Variants in ZNF385D observed in about 807,000 individuals in gnomAD.
The protein encoded by ZNF385D is zinc finger protein 659.
In ZNF385D, 15 loss-of-function variants were observed where a neutral mutation model predicts 35.8. That is an observed-to-expected ratio of 0.42 (90% CI 0.28 to 0.64). The LOEUF is 0.64. Ranked by LOEUF, ZNF385D falls within the 30% of genes least tolerant of loss-of-function variation. The probability of loss-of-function intolerance (pLI) is 0.23; values close to 1 mark genes in which losing one functional copy is unlikely to be tolerated. For missense variants in ZNF385D, 474 were observed against 494.6 expected (o/e 0.96, Z 0.39); for synonymous variants, 212 against 186.8 (o/e 1.13, Z -1.10).
intron 3 of ZNF385D, among the ~76,000 whole-genome samples, chr3:21,955,978 G>A (rs1458149321): frequency 6.6e-6 from 1 of 151,944 alleles, no homozygotes; most frequent in East Asian, 1.9e-4. Flanking sequence ...TTGAGCTCAG[G>A]TATATGAAAC....
At chr3:22,323,429 G>A (rs1264090397) in intron 2 of ZNF385D, among the ~76,000 whole-genome samples, 2 of 152,118 alleles carry the variant, frequency 1.3e-5, no homozygotes, top group African/African-American at 4.8e-5. Context: ...GAAGTGCTGG[G>A]TCCTAAGATT....
chr3:22,188,372 T>C (rs375034430), intron 2 of ZNF385D, among the ~76,000 whole-genome samples: 24 of 152,114 alleles, frequency 1.6e-4, no homozygotes, highest in African/African-American at 4.8e-4. Context: ...GGAAAGTGCA[T>C]TGAAAGAAAC....
At chr3:22,319,394 C>G (rs972243245) in intron 2 of ZNF385D, among the ~76,000 whole-genome samples, 1 of 151,386 alleles carries the variant, frequency 6.6e-6, no homozygotes, top group Admixed American at 6.6e-5. Context: ...AAATTATATG[C>G]AATATTGAAA....
At chr3:21,641,569 C>T (rs1420896075) in intron 2 of ZNF385D, among the ~76,000 whole-genome samples, 33 of 151,132 alleles carry the variant, frequency 2.2e-4, no homozygotes, top group Non-Finnish European at 1.5e-5. Context: ...TAACACATAT[C>T]ACCAACTCTC....
intron 3 of ZNF385D, among the ~76,000 whole-genome samples, chr3:22,123,706 C>G (rs1399539496): frequency 6.6e-6 from 1 of 151,950 alleles, no homozygotes; most frequent in African/African-American, 2.4e-5. Context: ...CTAAAAAGTA[C>G]AAAAATTAGC....
chr3:22,014,733 G>A (rs1163892412), intron 3 of ZNF385D, among the ~76,000 whole-genome samples: 2 of 152,114 alleles, frequency 1.3e-5, no homozygotes, highest in South Asian at 2.1e-4. Flanking sequence ...AGTGCAAACC[G>A]CTAAGAATTG....
chr3:22,156,386 C>T (rs1705581816), intron 3 of ZNF385D, among the ~76,000 whole-genome samples: 1 of 140,126 alleles, frequency 7.1e-6, no homozygotes, highest in African/African-American at 2.5e-5. Context: ...TGTACACAGC[C>T]CCCCTGCCCC....
chr3:21,938,250 G>A (rs1701354855), intron 3 of ZNF385D, among the ~76,000 whole-genome samples: 1 of 152,208 alleles, frequency 6.6e-6, no homozygotes, highest in African/African-American at 2.4e-5. Flanking sequence ...TCTCAGTTAT[G>A]CACAAGAACC....
intron 4 of ZNF385D, among the ~76,000 whole-genome samples, chr3:21,497,694 C>G (rs1706015838): frequency 6.6e-6 from 1 of 151,700 alleles, no homozygotes; most frequent in Non-Finnish European, 1.5e-5. Flanking sequence ...ACTAAAAATA[C>G]AAAAATTAGC....
chr3:22,352,637 A>G (rs957604260), intron 2 of ZNF385D, among the ~76,000 whole-genome samples: 6 of 152,152 alleles, frequency 3.9e-5, no homozygotes, highest in Non-Finnish European at 8.8e-5. Flanking sequence ...ATAACTTCCT[A>G]TCACTAAAGG....
intron 2 of ZNF385D, among the ~76,000 whole-genome samples, chr3:21,619,079 T>A (rs1323924753): frequency 6.6e-6 from 1 of 152,146 alleles, no homozygotes; most frequent in East Asian, 1.9e-4. Flanking sequence ...TCTGCACATG[T>A]CCTACAGCAA....
At chr3:21,619,403 CGTGTGTGTGCGTGTGTGTGT>C (rs1391015440) in intron 2 of ZNF385D, among the ~76,000 whole-genome samples, 1 of 140,582 alleles carries the variant, frequency 7.1e-6, no homozygotes, top group Non-Finnish European at 1.5e-5. Flanking sequence ...TAGTTGTCAT[CGTGTGTGTGCGTGTGTGTGT>C]GTGTGTGTGT....
intron 2 of ZNF385D, among the ~76,000 whole-genome samples, chr3:22,272,019 C>A (rs976879880): frequency 3.3e-5 from 5 of 152,102 alleles, no homozygotes; most frequent in African/African-American, 1.2e-4. Flanking sequence ...TTACAATATG[C>A]AGTGGTGCCG....
intron 2 of ZNF385D, among the ~76,000 whole-genome samples, chr3:22,281,788 ATCTTGT>A (rs1701756644): frequency 6.6e-6 from 1 of 152,022 alleles, no homozygotes; most frequent in Non-Finnish European, 1.5e-5. Flanking sequence ...CTCTTTCTCT[ATCTTGT>A]GGAATAGTGT....
intron 4 of ZNF385D, among the ~76,000 whole-genome samples, chr3:21,440,441 A>G (rs1701801489): frequency 6.6e-6 from 1 of 152,118 alleles, no homozygotes; most frequent in Non-Finnish European, 1.5e-5. Context: ...GGCTATCAAA[A>G]CAAGGAAAGT....
chr3:22,306,866 C>T (rs1703253767), intron 2 of ZNF385D, among the ~76,000 whole-genome samples: 1 of 152,134 alleles, frequency 6.6e-6, no homozygotes. Flanking sequence ...CCCAGAAGAA[C>T]TACCCCTGTA....
At chr3:22,280,066 C>A (rs184284974) in intron 2 of ZNF385D, among the ~76,000 whole-genome samples, 33 of 152,006 alleles carry the variant, frequency 2.2e-4, no homozygotes, top group Middle Eastern at 3.4e-3. Context: ...TGTTTGTGGT[C>A]ATTTGTTTAT....
intron 6 of ZNF385D, among the ~76,000 whole-genome samples, chr3:21,424,860 G>A (rs945746116): frequency 1.1e-4 from 16 of 151,844 alleles, no homozygotes; most frequent in African/African-American, 3.6e-4. Flanking sequence ...GATAAATAAG[G>A]TGCATAAAAT....
intron 3 of ZNF385D, among the ~76,000 whole-genome samples, chr3:22,012,444 C>G (rs886460391): frequency 6.6e-6 from 1 of 152,050 alleles, no homozygotes; most frequent in African/African-American, 2.4e-5. Context: ...TTGCTCAAAA[C>G]ATTTCTCTCT....
Sources: allele counts gnomAD v4.1 joint callset (sites outside exome capture counted in the v4.1 genomes callset), GRCh38; gene constraint gnomAD v4.1.1; transcripts MANE v1.5; gene names NCBI Gene and HGNC (gene_info 2026-07-23, HGNC 2026-07-21).